Variants in ZNF451 observed in about 807,000 individuals in gnomAD.
ZNF451 encodes the protein E3 SUMO-protein ligase ZNF451.
Under a neutral mutation model 107.1 loss-of-function variants are expected in ZNF451, and 80 were observed. The ratio of observed to expected loss-of-function variants is 0.75; its 90% CI spans 0.62 to 0.90. The LOEUF is 0.90. Ranked by LOEUF, ZNF451 falls within the 40% of genes least tolerant of loss-of-function variation. ZNF451 has a pLI of 0.00. For missense variants in ZNF451, 1,107 were observed against 1,236.2 expected (o/e 0.90, Z 1.57); for synonymous variants, 362 against 406.5 (o/e 0.89, Z 1.32).
chr6:57,112,405 G>A (rs1053678977), intron 3 of ZNF451, among the ~76,000 whole-genome samples: 28 of 152,156 alleles, frequency 1.8e-4, no homozygotes, highest in African/African-American at 6.5e-4. Context: ...TTTGAACTTG[G>A]AGTCCCTTAC....
chr6:57,158,112 C>T (rs1207932485), intron 13 of ZNF451, among the ~76,000 whole-genome samples: 2 of 152,172 alleles, frequency 1.3e-5, no homozygotes, highest in Non-Finnish European at 2.9e-5. Context: ...AAATAATCTA[C>T]CTGCAGTCAC....
intron 14 of ZNF451, 96 bp from the exon 15 acceptor site, chr6:57,168,327 C>T: frequency 3.6e-6 from 3 of 830,794 alleles, no homozygotes; most frequent in Middle Eastern, 3.2e-4. Flanking sequence ...TTTTACTTTC[C>T]TTCTTGAAAA....
At chr6:57,103,300 C>A (rs1048952189) in intron 3 of ZNF451, 56 of 985,258 alleles carry the variant, frequency 5.7e-5, no homozygotes, top group Non-Finnish European at 6.7e-5. Context: ...TTCTGGATAT[C>A]TAAGTGATGA....
intron 3 of ZNF451, among the ~76,000 whole-genome samples, chr6:57,110,715 T>G (rs1830066455): frequency 1.3e-5 from 2 of 152,234 alleles, no homozygotes; most frequent in Admixed American, 1.3e-4. Flanking sequence ...ATTGCTTCAT[T>G]GGCATTTGGA....
At chr6:57,121,604 C>G (rs968057397) in intron 3 of ZNF451, among the ~76,000 whole-genome samples, 3 of 151,962 alleles carry the variant, frequency 2.0e-5, no homozygotes, top group Admixed American at 6.6e-5. Context: ...AGCTGAAAAC[C>G]AAATGTAGAA....
rs972649844 is a variant in ZNF451, at chr6:57,098,228, A to T, written c.106-833A>T. Among the ~76,000 whole-genome samples the T allele has an allele frequency of 1.5e-4, 23 of 150,966 alleles. No individual in the cohort carries two copies. In the East Asian group the frequency reaches 4.2e-3, roughly 28 times the overall value. ...GCCAACATGGTAAAACCCCATCTGT[A>T]CTAAAAGTACACAAATTAGCCAGGC... On this transcript the variant is annotated intron_variant, in intron 2 of 14. Transcript: ENST00000370706.
intron 3 of ZNF451, 69 bp downstream of exon 3, chr6:57,099,210 T>C: frequency 8.0e-7 from 1 of 1,254,630 alleles, no homozygotes; most frequent in Non-Finnish European, 1.2e-6. Context: ...TAAAGAGAGT[T>C]ACCAAATCAG....
chr6:57,090,453 T>C (rs1349531317), intron 1 of ZNF451, among the ~76,000 whole-genome samples, 179 bp downstream of exon 1: 3 of 134,102 alleles, frequency 2.2e-5, no homozygotes, highest in Admixed American at 1.5e-4. Context: ...GCAGCAACAA[T>C]GGCCGCCCGG....
chr6:57,106,208 A>G, intron 3 of ZNF451: 3 of 984,958 alleles, frequency 3.0e-6, no homozygotes, highest in Non-Finnish European at 2.4e-6. Context: ...GACATTCATT[A>G]TTCTTGAAGA....
chr6:57,095,214 A>G (rs1829232193), intron 2 of ZNF451, among the ~76,000 whole-genome samples: 2 of 151,878 alleles, frequency 1.3e-5, no homozygotes, highest in East Asian at 1.9e-4. Flanking sequence ...GATTTTCAAC[A>G]TGATTCCCCT....
chr6:57,111,372 T>G (rs765193390), intron 3 of ZNF451, among the ~76,000 whole-genome samples: 9 of 77,924 alleles, frequency 1.2e-4, no homozygotes, highest in Non-Finnish European at 1.4e-4. Context: ...GGTTTTTTTG[T>G]TTTTTTTTTT....
At chr6:57,127,076 A>G (rs932637729) in intron 4 of ZNF451, among the ~76,000 whole-genome samples, 4 of 152,176 alleles carry the variant, frequency 2.6e-5, no homozygotes, top group Admixed American at 2.6e-4. Context: ...CTTAGGATAT[A>G]TCTATCAAGG....
At position 57,128,929 on chromosome 6, in the gene ZNF451, C is replaced by T. The variant is rs536208894; in HGVS notation, c.424+89C>T. On this transcript the variant is annotated intron_variant, in intron 5 of 14. Coordinates refer to ENST00000370706, the MANE Select transcript of ZNF451 (RefSeq NM_001031623.3). ...TCTGTTTTATGCTATTGCTAATAAGCATATAAGATATTAAATTTTGTTTCA... is the reference window on the plus strand; with the variant it reads ...TCTGTTTTATGCTATTGCTAATAAGTATATAAGATATTAAATTTTGTTTCA... The T allele has an allele frequency of 2.0e-5, 17 of 863,282 alleles. No individual in the cohort carries two copies. The East Asian group carries it at 4.6e-4, about 24-fold the overall frequency. The allele number at this position is 863,282 out of a possible 1,614,324, so 53.5% of individuals were successfully genotyped here.
intron 11 of ZNF451, 137 bp downstream of exon 11, chr6:57,150,999 A>C: frequency 1.9e-6 from 2 of 1,032,248 alleles, no homozygotes; most frequent in Non-Finnish European, 2.8e-6. Context: ...TATTATAGTT[A>C]CTCTGCTAGA....
intron 13 of ZNF451, among the ~76,000 whole-genome samples, chr6:57,157,484 G>T (rs532761516): frequency 6.6e-6 from 1 of 152,030 alleles, no homozygotes; most frequent in Admixed American, 6.5e-5. Flanking sequence ...TTTATTACTG[G>T]TACATTTTTA....
intron 3 of ZNF451, among the ~76,000 whole-genome samples, chr6:57,109,999 G>A (rs895271605): frequency 6.6e-6 from 1 of 152,212 alleles, no homozygotes; most frequent in African/African-American, 2.4e-5. Context: ...AAGAGCAGAT[G>A]TCCTTTTTGG....
At chr6:57,097,357 C>T (rs924785021) in intron 2 of ZNF451, among the ~76,000 whole-genome samples, 1 of 152,204 alleles carries the variant, frequency 6.6e-6, no homozygotes, top group Non-Finnish European at 1.5e-5. Context: ...TAGGGAAGAT[C>T]ATTACCTAGA....
At chr6:57,131,917 A>C (rs964778591) in intron 5 of ZNF451, among the ~76,000 whole-genome samples, 1 of 152,154 alleles carries the variant, frequency 6.6e-6, no homozygotes, top group African/African-American at 2.4e-5. Context: ...TAACTGTTTA[A>C]ATTTTTCTTC....
At position 57,102,636 on chromosome 6, in the gene ZNF451, C is replaced by A. The variant is rs140445679; in HGVS notation, c.186+3495C>A. 1.6e-4 allele frequency: 157 copies of A among 985,792 alleles called. No individual in the cohort carries two copies. The African/African-American group carries it at 2.2e-3, about 14-fold the overall frequency. The allele number at this position is 985,792 out of a possible 1,614,324, so 61.1% of individuals were successfully genotyped here. On this transcript the variant is annotated intron_variant, in intron 3 of 14. Coordinates refer to ENST00000370706, the MANE Select transcript of ZNF451 (RefSeq NM_001031623.3). Reference sequence around the variant, plus strand: ...CAAGATGGTCAACTCACCAAGAGTCCGTACTACTATCAAGCTCTGTGAGAC... The same window carrying A: ...CAAGATGGTCAACTCACCAAGAGTCAGTACTACTATCAAGCTCTGTGAGAC...
Sources: allele counts gnomAD v4.1 joint callset (sites outside exome capture counted in the v4.1 genomes callset), GRCh38; gene constraint gnomAD v4.1.1; transcripts MANE v1.5; gene names NCBI Gene and HGNC (gene_info 2026-07-23, HGNC 2026-07-21).